ACYP2: variants seen among roughly 807,000 people sequenced by gnomAD.
The protein encoded by ACYP2 is acylphosphatase-2.
A neutral mutation model predicts 11.2 loss-of-function variants in ACYP2; 12 were observed. That is an observed-to-expected ratio of 1.08 (90% CI 0.69 to 1.74). The LOEUF is 1.74. Ranked by LOEUF, ACYP2 falls within the 40% of genes most tolerant of loss-of-function variation. The probability of loss-of-function intolerance (pLI) is 0.00; values close to 1 mark genes in which losing one functional copy is unlikely to be tolerated. For synonymous variants in ACYP2, 43 were observed against 32.2 expected (o/e 1.33, Z -1.13); for missense variants, 134 against 101.9 (o/e 1.31, Z -1.35).
At chr2:54,243,482 A>G (rs1166817812) in intron 6 of ACYP2, among the ~76,000 whole-genome samples, 3 of 152,040 alleles carry the variant, frequency 2.0e-5, no homozygotes, top group African/African-American at 7.2e-5. Context: ...TTATTTATTT[A>G]TTTATTTGTT....
At chr2:54,116,181 G>C (rs1454298049) in intron 4 of ACYP2, among the ~76,000 whole-genome samples, 3 of 152,210 alleles carry the variant, frequency 2.0e-5, no homozygotes, top group African/African-American at 7.2e-5. Context: ...TAATTTTTCA[G>C]AGGTCAAACC....
rs559365878 is a variant in ACYP2 at position 54,133,540 on chromosome 2, C to T, written c.278-1913C>T. Among the ~76,000 whole-genome samples, 5 of 152,234 alleles carry T rather than the reference C, an allele frequency of 3.3e-5. No individual in the cohort carries two copies. The South Asian group carries it at 1.0e-3, about 32-fold the overall frequency. ...GGTACTAATAAGCTCTGAATTTCTG[C>T]ACCTGATACATTCCTGATGTTTCTT... On this transcript the variant is annotated intron_variant, in intron 4 of 6. Transcript: ENST00000607452.
intron 2 of ACYP2, among the ~76,000 whole-genome samples, chr2:53,975,715 C>T (rs1671444252): frequency 6.6e-6 from 1 of 152,064 alleles, no homozygotes. Flanking sequence ...ACCTGTAGTC[C>T]CAGCTACTTG....
At chr2:54,184,832 A>G (rs1034529213) in intron 6 of ACYP2, among the ~76,000 whole-genome samples, 3 of 151,832 alleles carry the variant, frequency 2.0e-5, no homozygotes, top group Non-Finnish European at 4.4e-5. Context: ...AAATTAACTA[A>G]TGCATTTAAG....
chr2:54,287,339 C>G (rs1050186812), intron 6 of ACYP2, among the ~76,000 whole-genome samples: 2 of 151,964 alleles, frequency 1.3e-5, no homozygotes, highest in Non-Finnish European at 2.9e-5. Flanking sequence ...AGGGCCCCCC[C>G]TCATGACCTA....
intron 6 of ACYP2, among the ~76,000 whole-genome samples, chr2:54,229,748 G>A (rs1463126195): frequency 6.6e-6 from 1 of 152,114 alleles, no homozygotes; most frequent in Non-Finnish European, 1.5e-5. Context: ...AGAACTAGTT[G>A]TAAATACTGT....
At chr2:54,082,847 G>A (rs1272957788) in intron 4 of ACYP2, 3 of 152,166 alleles carry the variant, frequency 2.0e-5, no homozygotes, top group Non-Finnish European at 2.9e-5. Context: ...AGGCTGAGGT[G>A]GTGGATCACC....
intron 2 of ACYP2, among the ~76,000 whole-genome samples, chr2:54,016,725 C>CTTT (rs5831288): frequency 2.3e-5 from 3 of 129,712 alleles, no homozygotes; most frequent in Non-Finnish European, 4.9e-5. Context: ...CCTTCAGTGT[C>CTTT]TTTTTTTTTT....
At position 54,218,589 on chromosome 2, in the gene ACYP2, T is replaced by G. The variant is rs10192952; in HGVS notation, c.404+79841T>G. ...ATTTAGGATTGCATTTTGCTTCATT[T>G]GGTGGAAATCCAATTAAAGTAACAT... On this transcript the variant is annotated intron_variant, in intron 6 of 6. Transcript: ENST00000607452. 6.8e-3 allele frequency among the ~76,000 whole-genome samples: 1,037 copies of G among 152,354 alleles called. 4 individuals carry two copies. Among genetic ancestry groups the G allele is most frequent in the African/African-American group, 0.024 (996 of 41,588 alleles).
At chr2:54,203,456 TTC>T (rs1284673423) in intron 6 of ACYP2, among the ~76,000 whole-genome samples, 9 of 152,234 alleles carry the variant, frequency 5.9e-5, no homozygotes, top group African/African-American at 1.7e-4. Context: ...TGACTTTTAT[TTC>T]TTTTTCTTGC....
At position 54,187,170 on chromosome 2, in the gene ACYP2, G is replaced by C. The variant is rs1684046480; in HGVS notation, c.404+48422G>C. Among the ~76,000 whole-genome samples the C allele has an allele frequency of 2.0e-5, 3 of 152,176 alleles. No homozygotes were observed. In the South Asian group the frequency reaches 6.2e-4, roughly 31 times the overall value. On this transcript the variant is annotated intron_variant, in intron 6 of 6. Transcript: ENST00000607452. The stretch of plus-strand genomic sequence containing the variant: ...GTAAGGGCACATGCAATCTGGGGCA[G>C]GTAGCTTCCCCCTTCTGAAGGACAG...
intron 4 of ACYP2, among the ~76,000 whole-genome samples, chr2:54,074,212 G>A (rs757791600): frequency 1.3e-5 from 2 of 152,158 alleles, no homozygotes; most frequent in South Asian, 2.1e-4. Context: ...GGGTTTGGTG[G>A]TGTGCACCTG....
chr2:54,205,073 T>A (rs1044457347), intron 6 of ACYP2, among the ~76,000 whole-genome samples: 9 of 152,212 alleles, frequency 5.9e-5, no homozygotes, highest in Non-Finnish European at 8.8e-5. Context: ...TAATTTGGCT[T>A]TTGTAAAAGT....
At chr2:54,137,778 A>G (rs1681344363) in intron 5 of ACYP2, among the ~76,000 whole-genome samples, 1 of 152,118 alleles carries the variant, frequency 6.6e-6, no homozygotes, top group Non-Finnish European at 1.5e-5. Flanking sequence ...AACAATTTAT[A>G]TTCTTTTGGG....
chr2:54,052,893 TC>T (rs1358580076), intron 3 of ACYP2, among the ~76,000 whole-genome samples: 1 of 152,218 alleles, frequency 6.6e-6, no homozygotes, highest in African/African-American at 2.4e-5. Flanking sequence ...TGGAGTGCTT[TC>T]CCCAGAGGGA....
At chr2:54,009,143 A>G (rs1293605739) in intron 2 of ACYP2, among the ~76,000 whole-genome samples, 1 of 149,410 alleles carries the variant, frequency 6.7e-6, no homozygotes, top group Non-Finnish European at 1.5e-5. Flanking sequence ...ACAGAGCAAG[A>G]CTCCATCTCA....
chr2:54,035,593 A>G (rs1674854996), intron 2 of ACYP2, among the ~76,000 whole-genome samples: 1 of 152,148 alleles, frequency 6.6e-6, no homozygotes, highest in Non-Finnish European at 1.5e-5. Context: ...CAAATTGTTC[A>G]GTTATCTTTT....
intron 6 of ACYP2, among the ~76,000 whole-genome samples, chr2:54,301,171 T>C (rs1198026378): frequency 6.6e-6 from 1 of 152,262 alleles, no homozygotes; most frequent in African/African-American, 2.4e-5. Context: ...GACTTTCTTC[T>C]GGCCATTCAA....
At chr2:54,280,658 T>C (rs1474163623) in intron 6 of ACYP2, among the ~76,000 whole-genome samples, 1 of 152,160 alleles carries the variant, frequency 6.6e-6, no homozygotes, top group African/African-American at 2.4e-5. Context: ...TCAAGTAAGA[T>C]GGCAAAACAA....
Sources: gnomAD v4.1 joint callset for allele counts (sites outside exome capture counted in the v4.1 genomes callset) on GRCh38, gnomAD v4.1.1 for gene constraint, MANE v1.5 for transcripts, NCBI Gene and HGNC (gene_info 2026-07-23, HGNC 2026-07-21) for gene names.